Variants in WDR72 observed in about 807,000 individuals in gnomAD.
WDR72 encodes WD repeat domain 72.
WDR72 carries 120 observed loss-of-function variants against 124.2 expected under a neutral mutation model. The ratio of observed to expected loss-of-function variants is 0.97; its 90% CI spans 0.83 to 1.12. WDR72 has a LOEUF of 1.12. Among genes scored for constraint, WDR72 ranks in the 50% most tolerant of loss-of-function variants. The probability of loss-of-function intolerance (pLI) is 0.00; values close to 1 mark genes in which losing one functional copy is unlikely to be tolerated. For synonymous variants in WDR72, 452 were observed against 441.7 expected, an observed-to-expected ratio of 1.02 and a Z score of -0.29; for missense variants, 1,387 against 1,278.8, an observed-to-expected ratio of 1.08 and a Z score of -1.29.
At chr15:53,749,785 T>C (rs190374594) in intron 1 of WDR72, among the ~76,000 whole-genome samples, 7 of 152,272 alleles carry the variant, frequency 4.6e-5, no homozygotes, top group African/African-American at 1.7e-4. Context: ...ATTGCTGATA[T>C]GGAGAAAGTT....
intron 13 of WDR72, among the ~76,000 whole-genome samples, chr15:53,678,850 T>C (rs1277085717): frequency 6.6e-6 from 1 of 152,202 alleles, no homozygotes; most frequent in East Asian, 1.9e-4. Context: ...TAGATATTTG[T>C]ATACCCATGT....
chr15:53,646,917 C>T (rs2015063022), intron 14 of WDR72, among the ~76,000 whole-genome samples: 1 of 152,010 alleles, frequency 6.6e-6, no homozygotes, highest in South Asian at 2.1e-4. Flanking sequence ...TGATAAATTA[C>T]TGAAGTCAAA....
At chr15:53,603,911 C>G (rs1027327998) in intron 17 of WDR72, among the ~76,000 whole-genome samples, 2 of 151,790 alleles carry the variant, frequency 1.3e-5, no homozygotes, top group Non-Finnish European at 2.9e-5. Flanking sequence ...TACTGCCTAG[C>G]AATTCACAGT....
chr15:53,688,702 T>G (rs1023313530), intron 13 of WDR72, among the ~76,000 whole-genome samples: 1 of 151,984 alleles, frequency 6.6e-6, no homozygotes, highest in Non-Finnish European at 1.5e-5. Context: ...TTCACAGAAT[T>G]GGAAAAAACT....
chr15:53,530,084 A>C lies in WDR72; in HGVS notation c.3149-6762T>G, dbSNP rs541567752. ...TGTTCCAAGGAGACAGCTGGTGAGT[A>C]GATGAGCAGACACTTAAAGGAAATT... On this transcript the variant is annotated intron_variant, in intron 18 of 19. Coordinates refer to ENST00000360509, the MANE Select transcript of WDR72 (RefSeq NM_182758.4). Among the ~76,000 whole-genome samples, 6 of 137,716 alleles carry C rather than the reference A, an allele frequency of 4.4e-5. No homozygotes were observed. In the Admixed American group the frequency reaches 4.6e-4, roughly 10 times the overall value. 90.3% of individuals were successfully genotyped at this position (137,716 alleles called of 152,430 possible).
At chr15:53,670,264 G>T (rs1043911952) in intron 13 of WDR72, among the ~76,000 whole-genome samples, 9 of 152,140 alleles carry the variant, frequency 5.9e-5, no homozygotes, top group South Asian at 4.1e-4. Flanking sequence ...ATAGCTTAAA[G>T]CAATTAACAT....
At chr15:53,647,320 A>G (rs1281241058) in intron 14 of WDR72, among the ~76,000 whole-genome samples, 1 of 152,138 alleles carries the variant, frequency 6.6e-6, no homozygotes, top group East Asian at 1.9e-4. Flanking sequence ...TTACTTAAAA[A>G]TAGCCTTTCC....
intron 12 of WDR72, among the ~76,000 whole-genome samples, chr15:53,700,894 A>T (rs1034497803): frequency 6.6e-6 from 1 of 152,214 alleles, no homozygotes; most frequent in South Asian, 2.1e-4. Flanking sequence ...CGGCTTCTAG[A>T]ACAGGCAGCC....
rs1353094945 is a variant in WDR72, at chr15:53,712,855, G to T, written c.628C>A (p.Leu210Ile). The T allele has an allele frequency of 1.9e-6, 3 of 1,613,658 alleles. No homozygotes were observed. In the African/African-American group the frequency reaches 4.0e-5, roughly 22 times the overall value. ...QDVYEKESKF[L>I]ESLNCQTIRF... ...ATTGTCTGGCAGTTCAAGGACTCAA[G>T]AAACTTGGATTCTTTTTCATAGACA... Residue 210 changes from leucine to isoleucine, a missense_variant, in exon 7 of 20, where the codon CTT becomes ATT. Transcript: ENST00000360509.
chr15:53,588,363 C>G (rs2012327793), intron 18 of WDR72, among the ~76,000 whole-genome samples: 1 of 151,782 alleles, frequency 6.6e-6, no homozygotes, highest in South Asian at 2.1e-4. Flanking sequence ...AATTAGAGTG[C>G]CAGGTAATAT....
At chr15:53,744,922 C>T (rs553454382) in intron 1 of WDR72, among the ~76,000 whole-genome samples, 156 of 151,922 alleles carry the variant, frequency 1.0e-3, no homozygotes, top group African/African-American at 3.7e-3. Flanking sequence ...TTCCTCTCTT[C>T]ATGTTCTACC....
At chr15:53,579,700 G>A (rs1350588220) in intron 18 of WDR72, among the ~76,000 whole-genome samples, 2 of 152,032 alleles carry the variant, frequency 1.3e-5, no homozygotes, top group African/African-American at 4.8e-5. Context: ...AGAACAAAGG[G>A]CTCAGACTCA....
chr15:53,657,263 C>CAAAAAAAAAAAAAA (rs10549551), intron 14 of WDR72, among the ~76,000 whole-genome samples: 11 of 56,404 alleles, frequency 2.0e-4, no homozygotes, highest in East Asian at 7.3e-4. Flanking sequence ...GACTCCATCT[C>CAAAAAAAAAAAAAA]AAAAAAAAAA....
chr15:53,647,456 AG>A (rs1239445809), intron 14 of WDR72, among the ~76,000 whole-genome samples: 1 of 152,270 alleles, frequency 6.6e-6, no homozygotes, highest in South Asian at 2.1e-4. Flanking sequence ...AACTTCCTGA[AG>A]CAGGAATCTA....
At chr15:53,735,679 T>A (rs2018332940) in intron 1 of WDR72, among the ~76,000 whole-genome samples, 1 of 152,144 alleles carries the variant, frequency 6.6e-6, no homozygotes, top group Non-Finnish European at 1.5e-5. Context: ...GTAAAACAAT[T>A]AGCCCCAGTA....
chr15:53,651,140 T>C (rs1490971760), intron 14 of WDR72, among the ~76,000 whole-genome samples: 1 of 152,142 alleles, frequency 6.6e-6, no homozygotes, highest in Middle Eastern at 3.2e-3. Context: ...CTTCATTGTC[T>C]ACATCAACCT....
intron 6 of WDR72, among the ~76,000 whole-genome samples, chr15:53,714,165 T>C (rs1376475022): frequency 7.8e-6 from 1 of 128,300 alleles, no homozygotes; most frequent in African/African-American, 2.8e-5. Context: ...TTTAAAAGAT[T>C]AAAAATGTAA....
chr15:53,701,559 T>TCTCTCTCTCTCTCTCACACACACACACA (rs369568228), intron 12 of WDR72, among the ~76,000 whole-genome samples: 1 of 120,102 alleles, frequency 8.3e-6, no homozygotes, highest in Non-Finnish European at 1.7e-5. Flanking sequence ...TCTCTCTCTC[T>TCTCTCTCTCTCTCTCACACACACACACA]CACACACACA....
At chr15:53,578,271 T>C (rs780516810) in intron 18 of WDR72, among the ~76,000 whole-genome samples, 4 of 152,078 alleles carry the variant, frequency 2.6e-5, no homozygotes, top group Non-Finnish European at 4.4e-5. Flanking sequence ...TGGTCAGTGG[T>C]GTGACAGAAG....
Sources: gnomAD v4.1 joint callset for allele counts (sites outside exome capture counted in the v4.1 genomes callset) on GRCh38, gnomAD v4.1.1 for gene constraint, MANE v1.5 for transcripts, NCBI Gene and HGNC (gene_info 2026-07-23, HGNC 2026-07-21) for gene names.